The following SRRM3 variants were observed in gnomAD, a reference collection of about 807,000 sequenced individuals.
SRRM3 encodes serine/arginine repetitive matrix protein 3.
A neutral mutation model predicts 66.2 loss-of-function variants in SRRM3; 27 were observed. That is an observed-to-expected ratio of 0.41 (90% CI 0.30 to 0.56). SRRM3 has a LOEUF of 0.56. Ranked by LOEUF, SRRM3 falls within the 20% of genes least tolerant of loss-of-function variation. The pLI, the probability that SRRM3 is intolerant of heterozygous loss-of-function variation, is 0.32. For synonymous variants in SRRM3, 391 were observed against 414.9 expected, an observed-to-expected ratio of 0.94 and a Z score of 0.70; for missense variants, 918 against 991.9, an observed-to-expected ratio of 0.93 and a Z score of 1.00.
chr7:76,285,581 G>C lies in SRRM3; in HGVS notation c.1734-34G>C. On this transcript the variant is annotated intron_variant, in intron 14 of 14. Transcript: ENST00000611745. The surrounding 1 kb of genome is among the most constrained non-coding windows in gnomAD (Gnocchi z 4.1). ...CTGCTGGGATGGGGCTCGGGGCCTG[G>C]GATGGCCTGTAATCAGCTTTTTCTT... 6.5e-7 allele frequency: 1 copy of C among 1,528,182 alleles called. No individual in the cohort carries two copies. The allele number at this position is 1,528,182 out of a possible 1,614,324, so 94.7% of individuals were successfully genotyped here. A position where few individuals can be genotyped will look rare whatever the true frequency, so the allele number is the denominator to read the frequency against.
At chr7:76,245,895 A>G (rs1801429137) in intron 2 of SRRM3, among the ~76,000 whole-genome samples, 1 of 151,990 alleles carries the variant, frequency 6.6e-6, no homozygotes, top group Non-Finnish European at 1.5e-5. Context: ...ACAGGGTTTC[A>G]CCATGTTGGC....
intron 10 of SRRM3, among the ~76,000 whole-genome samples, chr7:76,266,246 T>TATTATA (rs1460710380): frequency 1.6e-5 from 2 of 121,764 alleles, no homozygotes; most frequent in African/African-American, 6.8e-5. Flanking sequence ...TATATAAATA[T>TATTATA]TTATATATTT....
At chr7:76,226,757 A>G (rs1800874509) in intron 1 of SRRM3, among the ~76,000 whole-genome samples, 1 of 151,732 alleles carries the variant, frequency 6.6e-6, no homozygotes, top group Admixed American at 6.6e-5. Context: ...CACCCAGCTC[A>G]TTTTTGTATT....
intron 1 of SRRM3, among the ~76,000 whole-genome samples, chr7:76,212,055 T>C (rs1284707375): frequency 6.6e-6 from 1 of 151,590 alleles, no homozygotes; most frequent in Non-Finnish European, 1.5e-5. Context: ...AAACTCAGCC[T>C]GTTGCCCAGG....
chr7:76,282,930 C>T, intron 13 of SRRM3, 34 bp from the exon 14 acceptor site: 2 of 1,312,198 alleles, frequency 1.5e-6, no homozygotes, highest in Non-Finnish European at 1.9e-6. Flanking sequence ...GCGGCCGGGC[C>T]GCGTCGCTCA....
chr7:76,272,398 C>CAAAAATTAA (rs1802235421), intron 11 of SRRM3, among the ~76,000 whole-genome samples: 1 of 150,832 alleles, frequency 6.6e-6, no homozygotes, highest in Admixed American at 6.6e-5. Context: ...CCTATCTCTA[C>CAAAAATTAA]AAAAAAAAAA....
At chr7:76,236,937 A>G (rs1023494400) in intron 2 of SRRM3, among the ~76,000 whole-genome samples, 1 of 152,126 alleles carries the variant, frequency 6.6e-6, no homozygotes, top group Non-Finnish European at 1.5e-5. Context: ...TCCTACAGTG[A>G]GAACCTCAGG....
rs1554612757 is a variant in SRRM3 at position 76,285,842 on chromosome 7, G to A, written c.1961G>A (p.Ter654=). 6.5e-7 allele frequency: 1 copy of A among 1,547,260 alleles called. No homozygotes were observed. Among genetic ancestry groups the A allele is most frequent in the Non-Finnish European group, 8.7e-7 (1 of 1,144,556 alleles). ...SRSSSESGGF[*] ...AGCAGCTCTGAGAGCGGGGGCTTCT[G>A]AGCCCAGACAGACTCAGCTTGGTGC... Residue 654 remains the stop codon, a stop_retained_variant, in exon 15 of 15, where the codon TGA becomes TAA. Coordinates refer to ENST00000611745, the MANE Select transcript of SRRM3 (RefSeq NM_001110199.3). The surrounding 1 kb of genome is among the most constrained non-coding windows in gnomAD (Gnocchi z 4.1).
chr7:76,213,070 C>T (rs868950453), intron 1 of SRRM3, among the ~76,000 whole-genome samples: 122 of 131,144 alleles, frequency 9.3e-4, no homozygotes, highest in African/African-American at 3.2e-3. Flanking sequence ...AGTGCAATGG[C>T]GTGATCTCAG....
At chr7:76,232,682 A>G (rs1316442936) in intron 1 of SRRM3, among the ~76,000 whole-genome samples, 2 of 152,098 alleles carry the variant, frequency 1.3e-5, no homozygotes, top group African/African-American at 4.8e-5. Flanking sequence ...AGGAATGAAG[A>G]GTATCCCAGG....
chr7:76,258,018 G>A (rs1554607982), intron 3 of SRRM3, among the ~76,000 whole-genome samples: 2 of 152,042 alleles, frequency 1.3e-5, no homozygotes, highest in African/African-American at 4.8e-5. Flanking sequence ...TCTGAGAAGA[G>A]CCTGTAGGGA....
intron 10 of SRRM3, among the ~76,000 whole-genome samples, chr7:76,265,851 TA>T (rs1291770505): frequency 0.069 from 893 of 12,894 alleles, 49 homozygotes; most frequent in Non-Finnish European, 0.077. Flanking sequence ...TATATATATA[TA>T]TATATATTTT....
intron 1 of SRRM3, among the ~76,000 whole-genome samples, chr7:76,211,704 G>T (rs1406937535): frequency 6.6e-6 from 1 of 152,012 alleles, no homozygotes; most frequent in East Asian, 1.9e-4. Flanking sequence ...AGAGGTACCT[G>T]CCCCAGTATT....
intron 3 of SRRM3, among the ~76,000 whole-genome samples, chr7:76,250,030 T>TTTA (rs1483898594): frequency 7.2e-6 from 1 of 139,194 alleles, no homozygotes; most frequent in African/African-American, 2.6e-5. Flanking sequence ...TCTTTATTTA[T>TTTA]TTATTTATTT....
rs781881735 is a variant in SRRM3 at position 76,235,051 on chromosome 7, T to C, written c.-16T>C. The C allele has an allele frequency of 6.4e-7, 1 of 1,552,050 alleles. No individual in the cohort carries two copies. On this transcript the variant is annotated 5_prime_UTR_variant, in exon 2 of 15. Transcript: ENST00000611745. ...AGGGCCAGCGGCCCAGGCCAGCGGC[T>C]CCAGGGCCAGCCACGATGTCCTCCA...
chr7:76,233,561 G>A (rs566601834), intron 1 of SRRM3, among the ~76,000 whole-genome samples: 26 of 152,324 alleles, frequency 1.7e-4, no homozygotes, highest in Admixed American at 3.3e-4. Context: ...TGGAACTGGG[G>A]TATAGGGCTG....
At chr7:76,231,105 GTGCAGTCC>G (rs1280036181) in intron 1 of SRRM3, among the ~76,000 whole-genome samples, 1 of 152,170 alleles carries the variant, frequency 6.6e-6, no homozygotes, top group East Asian at 1.9e-4. Context: ...GACCCTGTGC[GTGCAGTCC>G]TGCAGTCACC....
chr7:76,222,659 T>G (rs1340734234), intron 1 of SRRM3, among the ~76,000 whole-genome samples: 2 of 151,962 alleles, frequency 1.3e-5, no homozygotes, highest in Non-Finnish European at 2.9e-5. Flanking sequence ...TCTCCCTCTG[T>G]CTCTCAGGCT....
chr7:76,262,685 G>A (rs552930474), intron 8 of SRRM3, among the ~76,000 whole-genome samples: 5 of 151,302 alleles, frequency 3.3e-5, no homozygotes, highest in African/African-American at 1.2e-4. Flanking sequence ...GCATGGTGGC[G>A]GGTGCCTGTA....
Sources: gnomAD v4.1 joint callset for allele counts (sites outside exome capture counted in the v4.1 genomes callset) on GRCh38, gnomAD v4.1.1 for gene constraint, Gnocchi (gnomAD v3.1) non-coding constraint, MANE v1.5 for transcripts, NCBI Gene and HGNC (gene_info 2026-07-23, HGNC 2026-07-21) for gene names.